Variants in RALGPS2 observed in about 807,000 individuals in gnomAD.
The protein encoded by RALGPS2 is Ral GEF with PH domain and SH3 binding motif 2, also known as ras-specific guanine nucleotide-releasing factor RalGPS2.
In RALGPS2, 43 loss-of-function variants were observed where a neutral mutation model predicts 86.8. The observed-to-expected ratio is 0.50, with a 90% confidence interval of 0.39 to 0.64. The LOEUF (loss-of-function observed/expected upper bound fraction) is 0.64, where lower values mean the gene tolerates loss of function less well. Ranked by LOEUF, RALGPS2 falls within the 30% of genes least tolerant of loss-of-function variation. The pLI is 0.00. For synonymous variants in RALGPS2, 243 were observed against 231.3 expected (o/e 1.05, Z -0.46); for missense variants, 536 against 694.6 (o/e 0.77, Z 2.57).
At chr1:178,892,188 AAAG>A in intron 14 of RALGPS2, 39 bp from the exon 15 acceptor site, 2 of 1,538,560 alleles carry the variant, frequency 1.3e-6, no homozygotes, top group Non-Finnish European at 1.8e-6. Flanking sequence ...TGTGTGAATA[AAAG>A]TATATGTAAT....
chr1:178,767,989 C>T (rs1424812435), intron 1 of RALGPS2, among the ~76,000 whole-genome samples: 1 of 152,208 alleles, frequency 6.6e-6, no homozygotes, highest in Non-Finnish European at 1.5e-5. Flanking sequence ...GCGATTCCCC[C>T]ACCTCAGTCT....
intron 7 of RALGPS2, among the ~76,000 whole-genome samples, chr1:178,829,966 A>T (rs193269837): frequency 6.6e-6 from 1 of 152,216 alleles, no homozygotes; most frequent in Admixed American, 6.5e-5. Flanking sequence ...GCTGGTCTCG[A>T]ACTCCTGACC....
intron 1 of RALGPS2, among the ~76,000 whole-genome samples, chr1:178,767,733 C>G (rs1325176881): frequency 1.3e-5 from 2 of 152,152 alleles, no homozygotes; most frequent in East Asian, 3.9e-4. Flanking sequence ...GTTGACCACC[C>G]TGTCATCTGA....
rs1185416573 is a variant in RALGPS2 at position 178,784,450 on chromosome 1, A to T, written c.90A>T (p.Lys30Asn). The change falls in exon 3 of 20, where the codon AAA (lysine) becomes AAT (asparagine). Residue 30 changes from lysine to asparagine, a missense_variant. Physicochemically the swap from Lys to Asn is moderately conservative, Grantham distance 94. This residue lies in a region of RALGPS2 where 43 missense variants were observed against 34.9 expected (regional missense o/e 1.23). Coordinates refer to ENST00000367635, the MANE Select transcript of RALGPS2 (RefSeq NM_152663.5). Reference sequence around the variant, plus strand: ...GCAGCTCTGAATCCTTAAGTGACAAAGGCTCTGAATTGAAGAAAAGCTTTG... The same window carrying T: ...GCAGCTCTGAATCCTTAAGTGACAATGGCTCTGAATTGAAGAAAAGCTTTG... ...KSSSSESLSDKGSELKKSFDA... is the reference protein window; with the variant it reads ...KSSSSESLSDNGSELKKSFDA... The T allele has an allele frequency of 9.3e-6, 15 of 1,605,438 alleles. No individual in the cohort carries two copies. The highest frequency in any genetic ancestry group is 1.2e-5 in the Non-Finnish European group (14 of 1,174,528).
intron 8 of RALGPS2, chr1:178,865,303 G>T: frequency 6.2e-7 from 1 of 1,614,060 alleles, no homozygotes; most frequent in South Asian, 1.1e-5. Flanking sequence ...TGACATTGAG[G>T]ATTTTGTTTT....
intron 1 of RALGPS2, among the ~76,000 whole-genome samples, chr1:178,731,616 C>G (rs1198406803): frequency 6.6e-6 from 1 of 152,094 alleles, no homozygotes; most frequent in Admixed American, 6.6e-5. Context: ...GTTGAAAAGT[C>G]TTATGCCATT....
chr1:178,733,859 ACAAG>A (rs1650530248), intron 1 of RALGPS2, among the ~76,000 whole-genome samples: 1 of 152,244 alleles, frequency 6.6e-6, no homozygotes, highest in African/African-American at 2.4e-5. Context: ...GAGCAACAAA[ACAAG>A]CAAGAGGTAA....
intron 19 of RALGPS2, among the ~76,000 whole-genome samples, chr1:178,912,086 A>C (rs940933865): frequency 9.9e-5 from 15 of 152,254 alleles, no homozygotes; most frequent in Admixed American, 5.2e-4. Context: ...CTTTGCACCT[A>C]GTATGTTGTT....
At chr1:178,810,807 G>A (rs1005542229) in intron 5 of RALGPS2, among the ~76,000 whole-genome samples, 1 of 151,896 alleles carries the variant, frequency 6.6e-6, no homozygotes, top group Non-Finnish European at 1.5e-5. Flanking sequence ...ACTATATTCT[G>A]TATTTAGATT....
intron 19 of RALGPS2, among the ~76,000 whole-genome samples, chr1:178,907,289 A>G (rs1660427430): frequency 6.6e-6 from 1 of 152,210 alleles, no homozygotes; most frequent in Non-Finnish European, 1.5e-5. Context: ...GAACAAGCTT[A>G]AGGTGAGTTC....
chr1:178,775,023 G>A (rs1653007651), intron 1 of RALGPS2, among the ~76,000 whole-genome samples: 1 of 152,128 alleles, frequency 6.6e-6, no homozygotes, highest in Non-Finnish European at 1.5e-5. Flanking sequence ...CTAAGGTTTT[G>A]TCTTTTCTTT....
chr1:178,831,481 A>G (rs1345559497), intron 7 of RALGPS2, among the ~76,000 whole-genome samples: 1 of 152,064 alleles, frequency 6.6e-6, no homozygotes, highest in Non-Finnish European at 1.5e-5. Flanking sequence ...GTGGTGTTAG[A>G]TATCTGGTCA....
intron 8 of RALGPS2, among the ~76,000 whole-genome samples, chr1:178,862,341 C>A (rs1419068464): frequency 6.6e-6 from 1 of 152,036 alleles, no homozygotes; most frequent in Non-Finnish European, 1.5e-5. Flanking sequence ...AAAAATGTCA[C>A]CAAATCAACT....
chr1:178,889,547 T>C, intron 13 of RALGPS2, 95 bp from the exon 14 acceptor site: 1 of 835,758 alleles, frequency 1.2e-6, no homozygotes, highest in Non-Finnish European at 2.0e-6. Flanking sequence ...ATTGTCATTT[T>C]ATGAGCATAG....
intron 1 of RALGPS2, among the ~76,000 whole-genome samples, chr1:178,770,531 G>A (rs553516638): frequency 1.6e-4 from 21 of 132,616 alleles, no homozygotes; most frequent in Non-Finnish European, 3.1e-4. Flanking sequence ...TTTTTTCTGA[G>A]ACAGTCTTGC....
At chr1:178,839,046 C>G (rs998428102) in intron 8 of RALGPS2, among the ~76,000 whole-genome samples, 20 of 152,060 alleles carry the variant, frequency 1.3e-4, no homozygotes, top group Non-Finnish European at 2.9e-4. Flanking sequence ...TTGGTATACC[C>G]GAAAGTGACA....
chr1:178,858,065 A>G (rs980475754), intron 8 of RALGPS2, among the ~76,000 whole-genome samples: 1 of 152,170 alleles, frequency 6.6e-6, no homozygotes, highest in African/African-American at 2.4e-5. Flanking sequence ...TGTTAGACTT[A>G]GGGAAATGTA....
chr1:178,805,303 T>C (rs1328833846), intron 4 of RALGPS2, among the ~76,000 whole-genome samples: 8 of 150,634 alleles, frequency 5.3e-5, no homozygotes. Flanking sequence ...TTTGTCAATT[T>C]TGGCTTTTGT....
intron 8 of RALGPS2, among the ~76,000 whole-genome samples, chr1:178,849,476 G>A (rs749311678): frequency 2.0e-4 from 31 of 152,184 alleles, no homozygotes; most frequent in Non-Finnish European, 3.5e-4. Context: ...TGAAAATTCT[G>A]TAAGGCTTGT....
Sources: allele counts gnomAD v4.1 joint callset (sites outside exome capture counted in the v4.1 genomes callset), GRCh38; gene constraint gnomAD v4.1.1; regional missense constraint gnomAD v4.1.1; transcripts MANE v1.5; gene names NCBI Gene and HGNC (gene_info 2026-07-23, HGNC 2026-07-21).